The following MIGA2 variants were observed in gnomAD, a reference collection of about 807,000 sequenced individuals.
MIGA2 encodes the protein family with sequence similarity 73, member B.
A neutral mutation model predicts 69.9 loss-of-function variants in MIGA2; 36 were observed. That is an observed-to-expected ratio of 0.52 (90% CI 0.39 to 0.68). The LOEUF (loss-of-function observed/expected upper bound fraction) is 0.68. Among genes scored for constraint, MIGA2 ranks in the 30% least tolerant of loss-of-function variants. The probability of loss-of-function intolerance (pLI) is 0.00; values close to 1 mark genes in which losing one functional copy is unlikely to be tolerated. For missense variants in MIGA2, 660 were observed against 787.7 expected (o/e 0.84, Z 1.94); for synonymous variants, 333 against 349.2 (o/e 0.95, Z 0.52).
At position 129,070,260 on chromosome 9, in the gene MIGA2, A is replaced by G. The variant is rs1404290033; in HGVS notation, c.1589A>G (p.Gln530Arg). 3.1e-6 allele frequency: 5 copies of G among 1,612,748 alleles called. No individual in the cohort carries two copies. The Admixed American group carries it at 8.3e-5, about 27-fold the overall frequency. Residue 530 changes from glutamine (Q) to arginine (R), a missense_variant, in exon 16 of 16, where the codon CAG becomes CGG. Around this residue, in one of 3 missense-constraint regions of MIGA2, gnomAD observed 220 missense variants for 301.7 expected, o/e 0.73. Transcript: ENST00000684074. ...CTGCTCCCCCAGCACCAGATTGTGC[A>G]GTACCTGAGGGACATGTTCGACCTG... ...VCAFFKHQIV[Q>R]YLRDMFDLDN...
chr9:129,048,598 C>T (rs1246449167), intron 4 of MIGA2, 59 bp downstream of exon 4: 1 of 1,362,792 alleles, frequency 7.3e-7, no homozygotes, highest in African/African-American at 1.4e-5. Flanking sequence ...CTGCTGAGGA[C>T]TCTGCCCTCA....
At chr9:129,051,073 C>T (rs1845503554) in intron 6 of MIGA2, among the ~76,000 whole-genome samples, 2 of 151,490 alleles carry the variant, frequency 1.3e-5, no homozygotes, top group East Asian at 1.9e-4. Flanking sequence ...GGGGTTTCAT[C>T]GTATTGGTCA....
intron 6 of MIGA2, among the ~76,000 whole-genome samples, chr9:129,057,304 G>C (rs955953565): frequency 6.6e-6 from 1 of 151,658 alleles, no homozygotes; most frequent in Non-Finnish European, 1.5e-5. Context: ...TGTTGTTGTT[G>C]TTGTTGAGAT....
intron 9 of MIGA2, among the ~76,000 whole-genome samples, chr9:129,062,561 G>A (rs1846123131): frequency 6.7e-6 from 1 of 148,208 alleles, no homozygotes; most frequent in Non-Finnish European, 1.5e-5. Flanking sequence ...CAAAAAAACT[G>A]GGCCAGGCGC....
intron 6 of MIGA2, among the ~76,000 whole-genome samples, chr9:129,053,629 C>T (rs985407667): frequency 3.3e-5 from 5 of 152,076 alleles, no homozygotes; most frequent in Non-Finnish European, 5.9e-5. Context: ...GGCCTCGCAA[C>T]GTGCTGAGAT....
At position 129,068,288 on chromosome 9, in the gene MIGA2, G is replaced by T; in HGVS notation, c.1360G>T (p.Ala454Ser). 1 of 1,611,152 alleles carries T rather than the reference G, an allele frequency of 6.2e-7. No individual in the cohort carries two copies. The highest frequency in any genetic ancestry group is 8.5e-7 in the Non-Finnish European group (1 of 1,179,460). ...GGAGAACCCTCCGGCCTCGGTGCTC[G>T]CCGTCCTGCGGAACCGCTGGCTGTC... ...DLENPPASVL[A>S]VLRNRWLSDS... The change falls in exon 13 of 16, where the codon GCC becomes TCC. Residue 454 changes from alanine to serine, a missense_variant. By Grantham distance (99) the Ala-to-Ser change is moderately conservative (BLOSUM62 1). Around this residue, in one of 3 missense-constraint regions of MIGA2, gnomAD observed 220 missense variants for 301.7 expected, o/e 0.73. Coordinates refer to ENST00000684074, the MANE Select transcript of MIGA2 (RefSeq NM_001329990.2). The surrounding 1 kb of genome is among the most constrained non-coding windows in gnomAD (Gnocchi z 4.1).
intron 9 of MIGA2, among the ~76,000 whole-genome samples, chr9:129,062,568 G>C (rs1447079974): frequency 1.3e-5 from 2 of 150,348 alleles, no homozygotes; most frequent in Non-Finnish European, 3.0e-5. Flanking sequence ...ACTGGGCCAG[G>C]CGCCATGACT....
At chr9:129,037,011 A>T (rs540356818) in intron 1 of MIGA2, 2 of 1,002,698 alleles carry the variant, frequency 2.0e-6, no homozygotes, top group South Asian at 9.3e-5. Context: ...GCCAGAGGGT[A>T]CCTGGGTGAG....
intron 4 of MIGA2, 47 bp downstream of exon 4, chr9:129,048,586 C>G: frequency 6.7e-7 from 1 of 1,490,692 alleles, no homozygotes; most frequent in Middle Eastern, 1.7e-4. Flanking sequence ...CCGGGCTTAC[C>G]CCTGCTGAGG....
chr9:129,048,355 C>T (rs897066050), intron 3 of MIGA2, 72 bp from the exon 4 acceptor site: 2 of 1,237,122 alleles, frequency 1.6e-6, no homozygotes, highest in African/African-American at 1.5e-5. Context: ...GGAAGGTGGT[C>T]CAGAGTGGGG....
rs183348021 is a variant in MIGA2 at position 129,059,225 on chromosome 9, G to A, written c.747G>A (p.Glu249=). The change falls in exon 7 of 16, where the codon GAG becomes GAA. Residue 249 remains glutamate, a synonymous_variant. Coordinates refer to ENST00000684074, the MANE Select transcript of MIGA2 (RefSeq NM_001329990.2). The surrounding 1 kb of genome is among the most constrained non-coding windows in gnomAD (Gnocchi z 5.6). ...SLLHRAYHLQ[E]EFGSTFPADS... ...TGCACCGTGCCTACCACCTGCAGGA[G>A]GAGTTCGGCTCCACCTTCCCCGCAG... 2 of 1,605,188 alleles carry A rather than the reference G, an allele frequency of 1.2e-6. No individual in the cohort carries two copies. Among genetic ancestry groups the A allele is most frequent in the Non-Finnish European group, 1.7e-6 (2 of 1,175,390 alleles).
intron 11 of MIGA2, among the ~76,000 whole-genome samples, chr9:129,065,228 A>G (rs1846280282): frequency 6.6e-6 from 1 of 152,026 alleles, no homozygotes; most frequent in Non-Finnish European, 1.5e-5. Flanking sequence ...TGAGGCCAGG[A>G]GTTCAAGGCT....
At position 129,060,437 on chromosome 9, in the gene MIGA2, C is replaced by T. The variant is rs1354110400; in HGVS notation, c.794-113C>T. 1.2e-6 allele frequency: 1 copy of T among 840,844 alleles called. No individual in the cohort carries two copies. Among genetic ancestry groups the T allele is most frequent in the Non-Finnish European group, 1.9e-6 (1 of 538,924 alleles). 52.1% of individuals were successfully genotyped at this position (840,844 alleles called of 1,614,324 possible). On this transcript the variant is annotated intron_variant, in intron 7 of 15. Coordinates refer to ENST00000684074, the MANE Select transcript of MIGA2 (RefSeq NM_001329990.2). This position sits in a 1 kb window ranked among gnomAD's most constrained non-coding sequence, Gnocchi z 4.8. Reference sequence around the variant, plus strand: ...GCTTTGCCATTGAGTGTGGGAATCACAGGCTCGGGATGAAGCCTCCCCTGG... The same window carrying T: ...GCTTTGCCATTGAGTGTGGGAATCATAGGCTCGGGATGAAGCCTCCCCTGG...
chr9:129,070,220 G>A (rs1294432096), intron 15 of MIGA2, 27 bp from the exon 16 acceptor site: 2 of 1,603,818 alleles, frequency 1.2e-6, no homozygotes, highest in Non-Finnish European at 1.7e-6. Flanking sequence ...GGCTGGGCCA[G>A]GCCTGACACC....
At position 129,069,300 on chromosome 9, in the gene MIGA2, G is replaced by A. The variant is rs1039270435; in HGVS notation, c.1458+171G>A. On this transcript the variant is annotated intron_variant, in intron 14 of 15. Transcript: ENST00000684074. This position sits in a 1 kb window ranked among gnomAD's most constrained non-coding sequence, Gnocchi z 4.9. The stretch of plus-strand genomic sequence containing the variant: ...TGTGCCAGGAGCTCCCTGGAGGCTC[G>A]TGTAGACCCACTTCCTCTCCTCCCC... 2.0e-4 allele frequency: 150 copies of A among 755,020 alleles called. 1 individual carries two copies. In the Middle Eastern group the frequency reaches 2.6e-3, roughly 13 times the overall value. The allele number at this position is 755,020 out of a possible 1,614,324, so 46.8% of individuals were successfully genotyped here.
rs1846482593 is a variant in MIGA2 at position 129,068,347 on chromosome 9, T to C, written c.1404+15T>C. The C allele has an allele frequency of 1.3e-6, 2 of 1,599,762 alleles. No individual in the cohort carries two copies. The highest frequency in any genetic ancestry group is 1.7e-6 in the Non-Finnish European group (2 of 1,178,394). On this transcript the variant is annotated intron_variant, in intron 13 of 15. Transcript: ENST00000684074. This position sits in a 1 kb window ranked among gnomAD's most constrained non-coding sequence, Gnocchi z 4.1. ...TCAAGGAGACGGTGGGTCACTGCCC[T>C]GCTCTCAGACCCACACTTGCTCACA...
intron 3 of MIGA2, among the ~76,000 whole-genome samples, chr9:129,044,135 A>T (rs1449742354): frequency 2.0e-5 from 3 of 151,758 alleles, no homozygotes; most frequent in Admixed American, 6.6e-5. Flanking sequence ...CTGGGATTAC[A>T]GGTGCATGAA....
At chr9:129,055,144 C>T (rs1480869972) in intron 6 of MIGA2, among the ~76,000 whole-genome samples, 1 of 149,266 alleles carries the variant, frequency 6.7e-6, no homozygotes, top group African/African-American at 2.5e-5. Context: ...GTGGCGCGAT[C>T]TTGGCTCACT....
At chr9:129,041,491 C>G (rs931189692) in intron 2 of MIGA2, among the ~76,000 whole-genome samples, 2 of 151,534 alleles carry the variant, frequency 1.3e-5, no homozygotes, top group African/African-American at 4.8e-5. Flanking sequence ...AAGACTCCGT[C>G]TCAAAAAAAA....
Sources: allele counts gnomAD v4.1 joint callset (sites outside exome capture counted in the v4.1 genomes callset), GRCh38; gene constraint gnomAD v4.1.1; regional missense constraint gnomAD v4.1.1; non-coding constraint Gnocchi (gnomAD v3.1); transcripts MANE v1.5; gene names NCBI Gene and HGNC (gene_info 2026-07-23, HGNC 2026-07-21).